Variants in BTBD8 observed in about 807,000 individuals in gnomAD.
The protein encoded by BTBD8 is BTB/POZ domain-containing protein 8.
BTBD8 carries 110 observed loss-of-function variants against 162.9 expected under a neutral mutation model. The observed-to-expected ratio is 0.68, with a 90% CI of 0.58 to 0.79. The LOEUF is 0.79. BTBD8 is among the 30% of genes least tolerant of loss of function. BTBD8 has a pLI of 0.00. For missense variants in BTBD8, 1,905 were observed against 2,085.4 expected, an observed-to-expected ratio of 0.91 and a Z score of 1.68; for synonymous variants, 667 against 716.1, an observed-to-expected ratio of 0.93 and a Z score of 1.10.
chr1:92,125,452 C>A, intron 4 of BTBD8: 2 of 308,716 alleles, frequency 6.5e-6, no homozygotes, highest in South Asian at 6.7e-5. Context: ...TGGCATTCCT[C>A]AGGGAACACT....
intron 9 of BTBD8, among the ~76,000 whole-genome samples, chr1:92,162,013 A>G (rs1650284219): frequency 6.6e-6 from 1 of 150,992 alleles, no homozygotes; most frequent in Admixed American, 6.6e-5. Flanking sequence ...TTTGTTTTCT[A>G]GTGCTGATTG....
At chr1:92,168,412 T>C (rs1267150523) in intron 11 of BTBD8, among the ~76,000 whole-genome samples, 3 of 152,132 alleles carry the variant, frequency 2.0e-5, no homozygotes, top group Non-Finnish European at 4.4e-5. Context: ...AAAAATCATA[T>C]TTTAAAATTA....
chr1:92,087,085 G>T (rs1036713063), intron 1 of BTBD8, among the ~76,000 whole-genome samples: 1 of 152,140 alleles, frequency 6.6e-6, no homozygotes, highest in African/African-American at 2.4e-5. Context: ...GCCAGTCTAA[G>T]TCAGATTTTC....
At chr1:92,154,972 T>C (rs1176795951) in intron 9 of BTBD8, among the ~76,000 whole-genome samples, 1 of 152,200 alleles carries the variant, frequency 6.6e-6, no homozygotes, top group Non-Finnish European at 1.5e-5. Context: ...TTGTATTCTT[T>C]TGCTTATGGA....
intron 3 of BTBD8, 87 bp from the exon 4 acceptor site, chr1:92,107,797 T>C: frequency 9.5e-7 from 1 of 1,050,734 alleles, no homozygotes; most frequent in Non-Finnish European, 1.4e-6. Flanking sequence ...GATAATTATG[T>C]GGGAAACCTC....
Position 92,119,262 on chromosome 1 carries a change from G to A in BTBD8, c.663-10425G>A, listed in dbSNP as rs149269736. The stretch of plus-strand genomic sequence containing the variant: ...CTTAGCTTAATCACAAACATGTATA[G>A]CTGTACAAATTTTTTTCTTTTTTTC... On this transcript the variant is annotated intron_variant, in intron 4 of 17. Transcript: ENST00000636805. Among the ~76,000 whole-genome samples the A allele has an allele frequency of 4.4e-4, 66 of 150,448 alleles. 2 individuals carry two copies. The highest frequency in any genetic ancestry group is 1.5e-3 in the African/African-American group (61 of 40,878).
chr1:92,110,638 G>A (rs984791011), intron 4 of BTBD8, among the ~76,000 whole-genome samples: 12 of 152,098 alleles, frequency 7.9e-5, no homozygotes, highest in Non-Finnish European at 1.5e-4. Context: ...CGCCTCCCGG[G>A]TTCACACCAT....
intron 9 of BTBD8, among the ~76,000 whole-genome samples, chr1:92,154,523 C>T (rs1342637054): frequency 1.3e-5 from 2 of 152,108 alleles, no homozygotes; most frequent in Non-Finnish European, 2.9e-5. Flanking sequence ...ATTTGCATTT[C>T]CCTGATGATT....
At chr1:92,146,979 G>A (rs1296930230) in intron 7 of BTBD8, among the ~76,000 whole-genome samples, 2 of 152,166 alleles carry the variant, frequency 1.3e-5, no homozygotes, top group African/African-American at 4.8e-5. Flanking sequence ...TCTGACTAGA[G>A]CATGTTTGTA....
intron 5 of BTBD8, among the ~76,000 whole-genome samples, chr1:92,131,311 C>G (rs1649509229): frequency 6.6e-6 from 1 of 152,208 alleles, no homozygotes; most frequent in African/African-American, 2.4e-5. Context: ...CATGAAAATA[C>G]ATGGCGTGGG....
intron 13 of BTBD8, among the ~76,000 whole-genome samples, chr1:92,175,091 A>T (rs965528178): frequency 6.6e-6 from 1 of 152,024 alleles, no homozygotes; most frequent in African/African-American, 2.4e-5. Flanking sequence ...GTGCCGAGGG[A>T]TACAAAAGAT....
intron 2 of BTBD8, among the ~76,000 whole-genome samples, chr1:92,101,897 T>A (rs1362518563): frequency 6.6e-6 from 1 of 152,070 alleles, no homozygotes; most frequent in Non-Finnish European, 1.5e-5. Flanking sequence ...GAGGTCTCAC[T>A]ATGTTGCCCA....
chr1:92,183,657 T>C (rs1406944595), intron 17 of BTBD8, among the ~76,000 whole-genome samples: 1 of 152,128 alleles, frequency 6.6e-6, no homozygotes, highest in African/African-American at 2.4e-5. Context: ...GTTGCCTATG[T>C]TGATTTTGCT....
At chr1:92,164,853 C>T (rs1215286942) in intron 9 of BTBD8, among the ~76,000 whole-genome samples, 3 of 151,458 alleles carry the variant, frequency 2.0e-5, no homozygotes, top group Admixed American at 6.6e-5. Context: ...GTAGTTTCAC[C>T]GTGTTGACCA....
At position 92,182,070 on chromosome 1, in the gene BTBD8, G is replaced by A. The variant is rs961100919; in HGVS notation, c.4387G>A (p.Val1463Ile). The part of the protein sequence containing the change: ...GEVHTPFQAS[V>I]DSFSPSDVFD... ...AGTCCATACTCCCTTTCAGGCTTCT[G>A]TAGATTCTTTTTCACCTTCTGATGT... Residue 1463 changes from valine to isoleucine, a missense_variant, in exon 17 of 18, where the codon GTA becomes ATA. Around this residue, in one of 3 missense-constraint regions of BTBD8, gnomAD observed 517 missense variants for 606.6 expected, o/e 0.85. Transcript: ENST00000636805. 2 of 1,551,542 alleles carry A rather than the reference G, an allele frequency of 1.3e-6. No individual in the cohort carries two copies. Among genetic ancestry groups the A allele is most frequent in the African/African-American group, 1.4e-5 (1 of 73,126 alleles).
At chr1:92,163,170 C>T (rs984312337) in intron 9 of BTBD8, among the ~76,000 whole-genome samples, 7 of 151,644 alleles carry the variant, frequency 4.6e-5, no homozygotes, top group Non-Finnish European at 8.8e-5. Flanking sequence ...CTGGCTAACA[C>T]GGTGAAACCC....
chr1:92,103,963 A>G (rs1648660357), intron 3 of BTBD8, among the ~76,000 whole-genome samples: 1 of 152,216 alleles, frequency 6.6e-6, no homozygotes. Context: ...CCAGATATAG[A>G]TGGGTGTGTC....
At chr1:92,081,878 T>G (rs1648028593) in intron 1 of BTBD8, among the ~76,000 whole-genome samples, 2 of 152,286 alleles carry the variant, frequency 1.3e-5, no homozygotes, top group South Asian at 2.1e-4. Context: ...CCAGCCAGGA[T>G]TCTACATTTT....
chr1:92,150,809 A>G (rs1327165951), intron 9 of BTBD8: 1 of 152,200 alleles, frequency 6.6e-6, no homozygotes, highest in Non-Finnish European at 1.5e-5. Context: ...CCATGCAGAC[A>G]TGGGGAAAAC....
Sources: allele counts gnomAD v4.1 joint callset (sites outside exome capture counted in the v4.1 genomes callset), GRCh38; gene constraint gnomAD v4.1.1; regional missense constraint gnomAD v4.1.1; transcripts MANE v1.5; gene names NCBI Gene and HGNC (gene_info 2026-07-23, HGNC 2026-07-21).